Variants in GFPT2 observed in about 807,000 individuals in gnomAD.
GFPT2 encodes the protein glutamine--fructose-6-phosphate transaminase 2, also known as glutamine--fructose-6-phosphate aminotransferase [isomerizing] 2.
GFPT2 carries 62 observed loss-of-function variants against 85.6 expected under a neutral mutation model. The ratio of observed to expected loss-of-function variants is 0.72; its 90% CI spans 0.59 to 0.90. The LOEUF (loss-of-function observed/expected upper bound fraction) is 0.90, where lower values mean the gene tolerates loss of function less well. Among genes scored for constraint, GFPT2 ranks in the 40% least tolerant of loss-of-function variants. The pLI is 0.00. For missense variants in GFPT2, 788 were observed against 893.4 expected (o/e 0.88, Z 1.50); for synonymous variants, 368 against 344.5 (o/e 1.07, Z -0.75).
chr5:180,316,168 C>T (rs1764004210), intron 13 of GFPT2, among the ~76,000 whole-genome samples, 173 bp downstream of exon 13: 1 of 151,802 alleles, frequency 6.6e-6, no homozygotes, highest in Non-Finnish European at 1.5e-5. Flanking sequence ...CATCTCTTGC[C>T]CTCCCCGTAC....
At chr5:180,319,377 A>AGATACTC (rs1764075874) in intron 9 of GFPT2, among the ~76,000 whole-genome samples, 1 of 152,244 alleles carries the variant, frequency 6.6e-6, no homozygotes, top group Non-Finnish European at 1.5e-5. Context: ...CACCTCTGGA[A>AGATACTC]GATACTCGAG....
chr5:180,321,208 A>G (rs183258028), intron 9 of GFPT2, among the ~76,000 whole-genome samples: 1 of 150,856 alleles, frequency 6.6e-6, no homozygotes, highest in East Asian at 2.0e-4. Flanking sequence ...AAGTAGAAAC[A>G]TGGAGTGACA....
rs562918481 is a variant in GFPT2, at chr5:180,301,428, C to A, written c.*136G>T. The A allele has an allele frequency of 9.1e-6, 7 of 771,238 alleles. No individual in the cohort carries two copies. Among genetic ancestry groups the A allele is most frequent in the African/African-American group, 8.6e-5 (5 of 58,280 alleles). 47.8% of individuals were successfully genotyped at this position (771,238 alleles called of 1,614,324 possible). A position where few individuals can be genotyped will look rare whatever the true frequency, so the allele number is the denominator to read the frequency against. ...AGCAAAAGCACTTGGGTAGAAGGCA[C>A]GTGGAAGCTGTCAAGCTCTACAGGA... On this transcript the variant is annotated 3_prime_UTR_variant, in exon 19 of 19. Transcript: ENST00000253778.
intron 1 of GFPT2, among the ~76,000 whole-genome samples, chr5:180,345,174 T>C (rs1304269924): frequency 6.6e-6 from 1 of 152,270 alleles, no homozygotes; most frequent in African/African-American, 2.4e-5. Context: ...GATTTATCAT[T>C]CAATAAAACC....
At chr5:180,306,487 G>A (rs1763780627) in intron 16 of GFPT2, among the ~76,000 whole-genome samples, 1 of 152,248 alleles carries the variant, frequency 6.6e-6, no homozygotes, top group Non-Finnish European at 1.5e-5. Context: ...ACCCTGCACG[G>A]CTCTCTGCCC....
intron 3 of GFPT2, 33 bp from the exon 4 acceptor site, chr5:180,335,986 GAAC>G (rs752151567): frequency 3.7e-5 from 58 of 1,548,714 alleles, no homozygotes; most frequent in South Asian, 1.2e-5. Context: ...TGCCGCACTT[GAAC>G]AACAAGCCTC....
chr5:180,304,755 C>T lies in GFPT2; in HGVS notation c.1842+17G>A. On this transcript the variant is annotated intron_variant, in intron 17 of 18. Coordinates refer to ENST00000253778, the MANE Select transcript of GFPT2 (RefSeq NM_005110.4). ...AAAGCAGGAGAGAGCTGGCCCAGTCCAGTGGAGAGCCCTCACCTGGCGGGC... is the reference window on the plus strand; with the variant it reads ...AAAGCAGGAGAGAGCTGGCCCAGTCTAGTGGAGAGCCCTCACCTGGCGGGC... The T allele has an allele frequency of 6.2e-7, 1 of 1,607,076 alleles. No individual in the cohort carries two copies. The highest frequency in any genetic ancestry group is 8.5e-7 in the Non-Finnish European group (1 of 1,175,406).
rs141653428 is a variant in GFPT2 at position 180,317,137 on chromosome 5, C to T, written c.959-79G>A. ...CATTATGCAGCAGCGATAGTAACTC[C>T]TGTAAAGCTTACTGCAGATTCCCAA... On this transcript the variant is annotated intron_variant, in intron 10 of 18. Transcript: ENST00000253778. 356 of 949,236 alleles carry T rather than the reference C, an allele frequency of 3.8e-4. 2 individuals are homozygous for T. In the African/African-American group the frequency reaches 5.4e-3, roughly 14 times the overall value. 58.8% of individuals were successfully genotyped at this position (949,236 alleles called of 1,614,324 possible).
rs774769824 is a variant in GFPT2 at position 180,313,975 on chromosome 5, G to A, written c.1274-11C>T. ...TGTCCGCGGTCTCGCCTGCCGCCCAGGGGCCCTCTCAGTGCCGCGCTCCGC... is the reference window on the plus strand; with the variant it reads ...TGTCCGCGGTCTCGCCTGCCGCCCAAGGGCCCTCTCAGTGCCGCGCTCCGC... On this transcript the variant is annotated splice_polypyrimidine_tract_variant and intron_variant, in intron 13 of 18. Transcript: ENST00000253778. The A allele has an allele frequency of 1.0e-5, 16 of 1,588,682 alleles. No homozygotes were observed. In the East Asian group the frequency reaches 3.4e-4, roughly 34 times the overall value.
At chr5:180,301,693 A>G in intron 18 of GFPT2, 85 bp from the exon 19 acceptor site, 1 of 1,161,864 alleles carries the variant, frequency 8.6e-7, no homozygotes, top group Admixed American at 1.7e-5. Flanking sequence ...GAGTACTTAA[A>G]AACAAGAGAC....
chr5:180,342,697 C>G lies in GFPT2; in HGVS notation c.8-4097G>C, dbSNP rs551951849. 1.7e-3 allele frequency among the ~76,000 whole-genome samples: 253 copies of G among 152,244 alleles called. 2 individuals are homozygous for G. The highest frequency in any genetic ancestry group is 5.8e-3 in the African/African-American group (239 of 41,556). On this transcript the variant is annotated intron_variant, in intron 1 of 18. Transcript: ENST00000253778. ...TGGACAGATCATGAGGTCAGGAGCT[C>G]AAGACCAGCCTAGCCAACATGGTGA...
Position 180,312,246 on chromosome 5 carries a change from G to T in GFPT2, c.1546+184C>A, listed in dbSNP as rs1340905799. Among the ~76,000 whole-genome samples the T allele has an allele frequency of 1.3e-5, 2 of 151,516 alleles. 1 individual carries two copies. The highest frequency in any genetic ancestry group is 3.0e-5 in the Non-Finnish European group (2 of 67,782). ...GGGAGGCAGCGCGGCAGCGCAGGGGGAGGTGGGGGCCGAGCAGGATGAGGT... is the reference window on the plus strand; with the variant it reads ...GGGAGGCAGCGCGGCAGCGCAGGGGTAGGTGGGGGCCGAGCAGGATGAGGT... On this transcript the variant is annotated intron_variant, in intron 15 of 18. Coordinates refer to ENST00000253778, the MANE Select transcript of GFPT2 (RefSeq NM_005110.4).
intron 1 of GFPT2, among the ~76,000 whole-genome samples, chr5:180,342,073 T>C (rs1764527280): frequency 1.3e-5 from 2 of 152,128 alleles, no homozygotes; most frequent in Non-Finnish European, 1.5e-5. Context: ...GATGGTTTTA[T>C]AAAGGGGAGC....
chr5:180,308,688 C>T (rs1763822494), intron 15 of GFPT2, among the ~76,000 whole-genome samples: 1 of 152,102 alleles, frequency 6.6e-6, no homozygotes, highest in Non-Finnish European at 1.5e-5. Flanking sequence ...ACTTTTTCTA[C>T]TTTGTTAGGT....
intron 1 of GFPT2, among the ~76,000 whole-genome samples, chr5:180,348,230 G>T (rs1449981740): frequency 6.6e-6 from 1 of 152,230 alleles, no homozygotes; most frequent in African/African-American, 2.4e-5. Context: ...ACGGCCAGTT[G>T]AATGTCTGCC....
At position 180,324,996 on chromosome 5, in the gene GFPT2, C is replaced by T. The variant is rs1019992632; in HGVS notation, c.597-101G>A. ...TAGGATCCCCAAATCTAGCCCTTTCCCAGTGGTGGAGGATCCTGTTTAGGT... is the reference window on the plus strand; with the variant it reads ...TAGGATCCCCAAATCTAGCCCTTTCTCAGTGGTGGAGGATCCTGTTTAGGT... On this transcript the variant is annotated intron_variant, in intron 7 of 18. Transcript: ENST00000253778. 3.8e-6 allele frequency: 3 copies of T among 791,772 alleles called. No homozygotes were observed. The African/African-American group carries it at 5.0e-5, about 13-fold the overall frequency. The allele number at this position is 791,772 out of a possible 1,614,324, so 49.0% of individuals were successfully genotyped here.
chr5:180,313,716 G>C, intron 14 of GFPT2, 91 bp downstream of exon 14: 14 of 1,109,210 alleles, frequency 1.3e-5, no homozygotes, highest in Non-Finnish European at 1.7e-5. Context: ...AAAGGCGGTG[G>C]CGCGGGCAGA....
chr5:180,315,917 T>TG (rs1251386680), intron 13 of GFPT2, among the ~76,000 whole-genome samples: 1 of 152,236 alleles, frequency 6.6e-6, no homozygotes, highest in Non-Finnish European at 1.5e-5. Context: ...CAGCTCGGCT[T>TG]GGACACTTGG....
In GFPT2 at chr5:180,323,296, T is replaced by C. The variant is rs988209527; in HGVS notation, c.794+892A>G. 1.3e-5 allele frequency among the ~76,000 whole-genome samples: 2 copies of C among 152,062 alleles called. No homozygotes were observed. Among genetic ancestry groups the C allele is most frequent in the Non-Finnish European group, 2.9e-5 (2 of 67,938 alleles). The stretch of plus-strand genomic sequence containing the variant: ...TTGACCTCAGCGTTAAGTATGATGC[T>C]GGCTGTGCGTTTAATCAGGCCTCGC... On this transcript the variant is annotated intron_variant, in intron 9 of 18. Transcript: ENST00000253778. This position sits in a 1 kb window ranked among gnomAD's most constrained non-coding sequence, Gnocchi z 4.0.
Sources: gnomAD v4.1 joint callset for allele counts (sites outside exome capture counted in the v4.1 genomes callset) on GRCh38, gnomAD v4.1.1 for gene constraint, Gnocchi (gnomAD v3.1) non-coding constraint, MANE v1.5 for transcripts, NCBI Gene and HGNC (gene_info 2026-07-23, HGNC 2026-07-21) for gene names.